The following EPB41L3 variants were observed in gnomAD, a reference collection of about 807,000 sequenced individuals.
EPB41L3 encodes the protein band 4.1-like protein 3.
In EPB41L3, 57 loss-of-function variants were observed where a neutral mutation model predicts 127.1. That is an observed-to-expected ratio of 0.45 (90% CI 0.36 to 0.56). The LOEUF is 0.56. Ranked by LOEUF, EPB41L3 falls within the 20% of genes least tolerant of loss-of-function variation. The pLI is 0.00. For missense variants in EPB41L3, 1,273 were observed against 1,372.2 expected, an observed-to-expected ratio of 0.93 and a Z score of 1.14; for synonymous variants, 572 against 549.5, an observed-to-expected ratio of 1.04 and a Z score of -0.57.
intron 3 of EPB41L3, among the ~76,000 whole-genome samples, chr18:5,475,649 C>T (rs1048048006): frequency 9.2e-5 from 14 of 152,304 alleles, no homozygotes; most frequent in African/African-American, 3.1e-4. Context: ...GCTGACTGCC[C>T]CTCTCGCAAA....
chr18:5,536,433 A>G (rs574552039), intron 1 of EPB41L3, among the ~76,000 whole-genome samples: 78 of 151,692 alleles, frequency 5.1e-4, no homozygotes, highest in Non-Finnish European at 1.0e-3. Context: ...TTTATTTACC[A>G]TTAAAAATAA....
Position 5,560,999 on chromosome 18 carries a change from A to G in EPB41L3, c.-306+51341T>C, listed in dbSNP as rs1022676520. Among the ~76,000 whole-genome samples, 39 of 120,566 alleles carry G rather than the reference A, an allele frequency of 3.2e-4. 2 individuals are homozygous for G. Among genetic ancestry groups the G allele is most frequent in the South Asian group, 1.8e-3 (7 of 3,956 alleles). The allele number at this position is 120,566 out of a possible 152,430, so 79.1% of individuals were successfully genotyped here. ...TATTTATTTATTTATTTATTTTGAG[A>G]TGGAGTCTCGCTCTGTCGCCCAGGC... On this transcript the variant is annotated intron_variant, in intron 3 of 21. Coordinates refer to the EPB41L3 transcript ENST00000545076.
intron 1 of EPB41L3, among the ~76,000 whole-genome samples, chr18:5,490,424 G>A (rs920372788): frequency 6.6e-6 from 1 of 152,072 alleles, no homozygotes; most frequent in Non-Finnish European, 1.5e-5. Context: ...ATAAAAATAT[G>A]TTTAATAATT....
chr18:5,398,401 T>C (rs148237004), intron 16 of EPB41L3: 3 of 490,602 alleles, frequency 6.1e-6, no homozygotes, highest in South Asian at 4.1e-5. Flanking sequence ...TTCCCCTTCA[T>C]TGCAAGCCAC....
intron 1 of EPB41L3, among the ~76,000 whole-genome samples, chr18:5,508,570 A>G (rs982907715): frequency 6.6e-6 from 1 of 152,182 alleles, no homozygotes; most frequent in African/African-American, 2.4e-5. Context: ...GATCGAGACC[A>G]TCCTGGCCAA....
At position 5,432,224 on chromosome 18, in the gene EPB41L3, A is replaced by G. The variant is rs544777715; in HGVS notation, c.912+1245T>C. On this transcript the variant is annotated intron_variant, in intron 8 of 22. Coordinates refer to ENST00000341928, the MANE Select transcript of EPB41L3 (RefSeq NM_012307.5). Reference sequence around the variant, plus strand: ...AGTATCAACAGAACCTACAGATCACAGAGCTCCCTGCAATGGGTCCGCAGG... The same window carrying G: ...AGTATCAACAGAACCTACAGATCACGGAGCTCCCTGCAATGGGTCCGCAGG... Among the ~76,000 whole-genome samples the G allele has an allele frequency of 3.9e-5, 6 of 152,344 alleles. No homozygotes were observed. The East Asian group carries it at 1.2e-3, about 29-fold the overall frequency.
intron 3 of EPB41L3, among the ~76,000 whole-genome samples, chr18:5,560,580 A>G (rs1230525252): frequency 6.6e-6 from 1 of 152,242 alleles, no homozygotes; most frequent in East Asian, 1.9e-4. Context: ...TGCAGATCCT[A>G]AAATTCCTAG....
intron 5 of EPB41L3, among the ~76,000 whole-genome samples, chr18:5,441,700 G>A (rs192178361): frequency 8.1e-4 from 123 of 152,204 alleles, no homozygotes; most frequent in African/African-American, 1.6e-3. Context: ...TCCTGACCTC[G>A]TGATCCGCCC....
intron 11 of EPB41L3, among the ~76,000 whole-genome samples, chr18:5,423,066 T>A (rs1347190705): frequency 6.6e-6 from 1 of 152,074 alleles, no homozygotes; most frequent in Non-Finnish European, 1.5e-5. Flanking sequence ...AATCACAGAG[T>A]ATGTGACTAC....
intron 3 of EPB41L3, among the ~76,000 whole-genome samples, chr18:5,598,385 A>G (rs931965540): frequency 2.6e-5 from 4 of 152,298 alleles, no homozygotes; most frequent in Middle Eastern, 3.4e-3. Flanking sequence ...AAATTGTTCT[A>G]TTTTGGAAAA....
At chr18:5,433,790 ATGCT>A in intron 7 of EPB41L3, 109 bp downstream of exon 7, 1 of 1,192,488 alleles carries the variant, frequency 8.4e-7, no homozygotes, top group Non-Finnish European at 1.2e-6. Flanking sequence ...GACCCACACT[ATGCT>A]CACGTCTCGC....
chr18:5,455,981 A>G (rs1206718942), intron 3 of EPB41L3, among the ~76,000 whole-genome samples: 2 of 152,126 alleles, frequency 1.3e-5, no homozygotes, highest in African/African-American at 2.4e-5. Flanking sequence ...GAATGACGTG[A>G]AACTTTGAGA....
chr18:5,549,943 G>A (rs914972331), intron 3 of EPB41L3, among the ~76,000 whole-genome samples: 1 of 152,172 alleles, frequency 6.6e-6, no homozygotes, highest in African/African-American at 2.4e-5. Flanking sequence ...TTATTGCTTG[G>A]ATCCTGTCAT....
chr18:5,520,038 A>G (rs1045417475), intron 1 of EPB41L3, among the ~76,000 whole-genome samples: 5 of 152,216 alleles, frequency 3.3e-5, no homozygotes, highest in Non-Finnish European at 5.9e-5. Flanking sequence ...GTTCTCTGCT[A>G]CACTTCCAGG....
chr18:5,594,977 C>G (rs1032600765), intron 3 of EPB41L3, among the ~76,000 whole-genome samples: 3 of 152,156 alleles, frequency 2.0e-5, no homozygotes, highest in Admixed American at 6.5e-5. Context: ...TGAGAAACTA[C>G]TAAGTATACA....
At chr18:5,544,387 T>C, upstream of EPB41L3, 1 of 922,356 alleles carries the variant, frequency 1.1e-6, no homozygotes, top group Non-Finnish European at 1.3e-6. Context: ...GGTGAGTTAT[T>C]TATTGGCTAG....
At chr18:5,409,497 T>C (rs376795383) in intron 14 of EPB41L3, among the ~76,000 whole-genome samples, 42 of 152,260 alleles carry the variant, frequency 2.8e-4, no homozygotes, top group African/African-American at 8.7e-4. Flanking sequence ...ATCTGCATAA[T>C]AGTTTTAACA....
At chr18:5,425,421 T>C (rs1470214888) in intron 9 of EPB41L3, among the ~76,000 whole-genome samples, 1 of 152,126 alleles carries the variant, frequency 6.6e-6, no homozygotes, top group African/African-American at 2.4e-5. Context: ...AAGACAGACA[T>C]AGTGTGGCTT....
intron 3 of EPB41L3, among the ~76,000 whole-genome samples, chr18:5,472,307 T>C (rs569813342): frequency 4.1e-4 from 62 of 152,294 alleles, no homozygotes; most frequent in Admixed American, 6.5e-4. Context: ...ACCAAAGAGC[T>C]ATCACACTAG....
Sources: gnomAD v4.1 joint callset for allele counts (sites outside exome capture counted in the v4.1 genomes callset) on GRCh38, gnomAD v4.1.1 for gene constraint, MANE v1.5 for transcripts, NCBI Gene and HGNC (gene_info 2026-07-23, HGNC 2026-07-21) for gene names.